Variants in CWF19L2 observed in about 807,000 individuals in gnomAD.
The protein encoded by CWF19L2 is CWF19 like cell cycle control factor 2, also known as CWF19-like protein 2.
A neutral mutation model predicts 111.7 loss-of-function variants in CWF19L2; 98 were observed. The ratio of observed to expected loss-of-function variants is 0.88; its 90% CI spans 0.75 to 1.04. The LOEUF is 1.04. CWF19L2 is among the 50% of genes least tolerant of loss of function. CWF19L2 has a pLI of 0.00. For synonymous variants in CWF19L2, 351 were observed against 342.9 expected, an observed-to-expected ratio of 1.02 and a Z score of -0.26; for missense variants, 1,101 against 1,051.4, an observed-to-expected ratio of 1.05 and a Z score of -0.65.
intron 14 of CWF19L2, among the ~76,000 whole-genome samples, chr11:107,339,785 C>A (rs1487263187): frequency 1.3e-5 from 2 of 150,990 alleles, no homozygotes; most frequent in African/African-American, 4.9e-5. Flanking sequence ...CCCGCCTTGG[C>A]CCCCCCACAA....
intron 3 of CWF19L2, among the ~76,000 whole-genome samples, chr11:107,454,201 C>T (rs932078068): frequency 2.0e-5 from 3 of 152,204 alleles, no homozygotes; most frequent in African/African-American, 7.2e-5. Context: ...AGGCCTTGGG[C>T]AAGATCCAGT....
chr11:107,407,684 T>A (rs376775695), intron 10 of CWF19L2, among the ~76,000 whole-genome samples: 1 of 152,062 alleles, frequency 6.6e-6, no homozygotes, highest in Non-Finnish European at 1.5e-5. Flanking sequence ...GGCTTCAGTA[T>A]CTGTTACAGA....
At chr11:107,331,954 CCAGT>C (rs1214074836) in intron 16 of CWF19L2, among the ~76,000 whole-genome samples, 3 of 152,160 alleles carry the variant, frequency 2.0e-5, no homozygotes, top group Non-Finnish European at 4.4e-5. Flanking sequence ...TCTGCACTGG[CCAGT>C]CAGAGGAAAT....
chr11:107,418,434 C>A, intron 8 of CWF19L2, 147 bp from the exon 9 acceptor site: 1 of 626,532 alleles, frequency 1.6e-6, no homozygotes. Flanking sequence ...AAATTAAACT[C>A]AATATTTTTC....
At chr11:107,358,915 G>C (rs594169) in intron 12 of CWF19L2, among the ~76,000 whole-genome samples, 1 of 152,178 alleles carries the variant, frequency 6.6e-6, no homozygotes, top group East Asian at 1.9e-4. Context: ...CAGGGACTTA[G>C]AACACAATTA....
At chr11:107,457,645 G>T in intron 1 of CWF19L2, 67 bp downstream of exon 1, 1 of 1,174,298 alleles carries the variant, frequency 8.5e-7, no homozygotes, top group East Asian at 2.5e-5. Flanking sequence ...GGGTGAGTGG[G>T]CTAGCTTACG....
intron 14 of CWF19L2, among the ~76,000 whole-genome samples, chr11:107,345,102 C>T (rs1277487190): frequency 2.0e-5 from 3 of 151,912 alleles, no homozygotes; most frequent in African/African-American, 7.3e-5. Flanking sequence ...GTGTTACTTG[C>T]ACAAAAAAAA....
At chr11:107,381,125 T>C (rs940184854) in intron 12 of CWF19L2, among the ~76,000 whole-genome samples, 1 of 152,084 alleles carries the variant, frequency 6.6e-6, no homozygotes, top group Non-Finnish European at 1.5e-5. Flanking sequence ...CTGTCTGAGA[T>C]AATGAAAAAA....
chr11:107,453,966 T>C (rs1245991136), intron 3 of CWF19L2, among the ~76,000 whole-genome samples: 2 of 152,050 alleles, frequency 1.3e-5, no homozygotes, highest in African/African-American at 4.8e-5. Context: ...CATTCATAGG[T>C]TGAATGCCAG....
chr11:107,438,003 T>C (rs968325237), intron 6 of CWF19L2, among the ~76,000 whole-genome samples: 2 of 151,990 alleles, frequency 1.3e-5, no homozygotes, highest in Admixed American at 1.3e-4. Context: ...CTGCCTGAAG[T>C]TGAAAGAAAA....
chr11:107,386,187 A>AT (rs1860763786), intron 12 of CWF19L2, among the ~76,000 whole-genome samples: 1 of 151,960 alleles, frequency 6.6e-6, no homozygotes, highest in African/African-American at 2.4e-5. Context: ...CTGATTTTTT[A>AT]TTTTTTGTAG....
chr11:107,354,707 T>C (rs1219426328), intron 12 of CWF19L2, among the ~76,000 whole-genome samples: 1 of 152,220 alleles, frequency 6.6e-6, no homozygotes, highest in Non-Finnish European at 1.5e-5. Flanking sequence ...GGCAAAGATG[T>C]CATTATCTCA....
At chr11:107,454,728 G>A (rs1332010428) in intron 2 of CWF19L2, among the ~76,000 whole-genome samples, 156 bp from the exon 3 acceptor site, 2 of 151,986 alleles carry the variant, frequency 1.3e-5, no homozygotes, top group African/African-American at 4.8e-5. Flanking sequence ...AATCTTTCAG[G>A]AAATCTTAAC....
At chr11:107,386,099 A>T (rs1203619687) in intron 12 of CWF19L2, among the ~76,000 whole-genome samples, 1 of 152,202 alleles carries the variant, frequency 6.6e-6, no homozygotes, top group Non-Finnish European at 1.5e-5. Context: ...AGTTTCAGAC[A>T]TCCACCTAAA....
intron 12 of CWF19L2, among the ~76,000 whole-genome samples, chr11:107,381,933 G>A (rs1338211026): frequency 1.3e-5 from 2 of 152,006 alleles, no homozygotes; most frequent in Non-Finnish European, 2.9e-5. Context: ...AATTACTGGA[G>A]TCTTTTTTTC....
intron 8 of CWF19L2, among the ~76,000 whole-genome samples, chr11:107,418,669 A>G (rs1861262576): frequency 6.6e-6 from 1 of 152,232 alleles, no homozygotes; most frequent in African/African-American, 2.4e-5. Flanking sequence ...AGTTGTTAAT[A>G]ATCTAAGAAA....
intron 11 of CWF19L2, among the ~76,000 whole-genome samples, chr11:107,391,135 G>T (rs1860840645): frequency 1.3e-5 from 2 of 152,142 alleles, no homozygotes; most frequent in African/African-American, 4.8e-5. Flanking sequence ...TTTGGGACTT[G>T]GACTGGCTTC....
chr11:107,424,065 C>A (rs1201706271), intron 8 of CWF19L2, among the ~76,000 whole-genome samples: 1 of 151,638 alleles, frequency 6.6e-6, no homozygotes, highest in Admixed American at 6.6e-5. Flanking sequence ...ATATATAGAT[C>A]AAGGGGATCA....
chr11:107,418,411 T>C (rs916262338), intron 8 of CWF19L2, 124 bp from the exon 9 acceptor site: 4 of 670,994 alleles, frequency 6.0e-6, no homozygotes, highest in African/African-American at 3.6e-5. Flanking sequence ...CAGATCATGA[T>C]TGTAATACAT....
Sources: gnomAD v4.1 joint callset for allele counts (sites outside exome capture counted in the v4.1 genomes callset) on GRCh38, gnomAD v4.1.1 for gene constraint, MANE v1.5 for transcripts, NCBI Gene and HGNC (gene_info 2026-07-23, HGNC 2026-07-21) for gene names.